Variants in MACROD2 observed in about 807,000 individuals in gnomAD.
MACROD2 encodes mono-ADP ribosylhydrolase 2, also known as ADP-ribose glycohydrolase MACROD2.
A neutral mutation model predicts 70.4 loss-of-function variants in MACROD2; 36 were observed. The observed-to-expected ratio is 0.51, with a 90% CI of 0.39 to 0.68. The LOEUF is 0.68. MACROD2 is among the 30% of genes least tolerant of loss of function. The pLI is 0.00. For synonymous variants in MACROD2, 172 were observed against 178.8 expected (o/e 0.96, Z 0.30); for missense variants, 496 against 538.4 (o/e 0.92, Z 0.78).
chr20:15,323,973 AC>A lies in MACROD2; in HGVS notation c.540+93913del, dbSNP rs541123145. 5.1e-3 allele frequency among the ~76,000 whole-genome samples: 770 copies of A among 151,920 alleles called. 1 individual carries two copies. Among genetic ancestry groups the A allele is most frequent in the Middle Eastern group, 0.02 (6 of 294 alleles). Reference sequence around the variant, plus strand: ...AATAATACATGAATAGGATTGCAGAACTTTTTTTTTTGTTTTCTGTGATGCT... The same window carrying A: ...AATAATACATGAATAGGATTGCAGAATTTTTTTTTTGTTTTCTGTGATGCT... On this transcript the variant is annotated intron_variant, in intron 6 of 17. Coordinates refer to ENST00000684519, the MANE Select transcript of MACROD2 (RefSeq NM_001351661.2).
intron 15 of MACROD2, among the ~76,000 whole-genome samples, chr20:16,034,776 C>T (rs1350178589): frequency 6.6e-6 from 1 of 151,702 alleles, no homozygotes; most frequent in Non-Finnish European, 1.5e-5. Flanking sequence ...GCAGTATATA[C>T]TGCACCATAT....
intron 3 of MACROD2, among the ~76,000 whole-genome samples, chr20:14,244,454 G>A (rs895713236): frequency 2.6e-5 from 4 of 152,174 alleles, no homozygotes; most frequent in African/African-American, 9.7e-5. Flanking sequence ...TTAGTGGTCA[G>A]TATGTAGATG....
At chr20:14,108,091 A>G (rs958929659) in intron 3 of MACROD2, among the ~76,000 whole-genome samples, 4 of 152,140 alleles carry the variant, frequency 2.6e-5, no homozygotes, top group African/African-American at 9.6e-5. Flanking sequence ...AGACACAAAG[A>G]GGAACAACAA....
At chr20:15,013,652 A>G (rs1600947425) in intron 5 of MACROD2, among the ~76,000 whole-genome samples, 1 of 152,130 alleles carries the variant, frequency 6.6e-6, no homozygotes, top group South Asian at 2.1e-4. Flanking sequence ...CGTTCCTTCT[A>G]GGGCCAACTG....
intron 5 of MACROD2, among the ~76,000 whole-genome samples, chr20:14,807,544 A>G (rs984270493): frequency 6.6e-6 from 1 of 152,110 alleles, no homozygotes; most frequent in Non-Finnish European, 1.5e-5. Flanking sequence ...CCTCCAAAGG[A>G]TCAGAACTCC....
chr20:14,881,935 G>A (rs1434301567), intron 5 of MACROD2, among the ~76,000 whole-genome samples: 3 of 152,078 alleles, frequency 2.0e-5, no homozygotes, highest in African/African-American at 4.8e-5. Flanking sequence ...GTTTATATGG[G>A]CCAACATTTG....
chr20:15,682,687 T>C (rs1045380272), intron 8 of MACROD2, among the ~76,000 whole-genome samples: 1 of 152,226 alleles, frequency 6.6e-6, no homozygotes. Context: ...TACTTTCTTA[T>C]CATATTTGAC....
chr20:14,059,500 C>T (rs1396327968), intron 2 of MACROD2, among the ~76,000 whole-genome samples: 1 of 152,050 alleles, frequency 6.6e-6, no homozygotes, highest in Non-Finnish European at 1.5e-5. Flanking sequence ...TGAAGTGATA[C>T]AGAATGAATG....
intron 5 of MACROD2, among the ~76,000 whole-genome samples, chr20:15,063,340 C>T (rs947539664): frequency 1.3e-5 from 2 of 152,188 alleles, no homozygotes; most frequent in African/African-American, 2.4e-5. Flanking sequence ...AATTTTGCTT[C>T]CTGCTTCTTT....
At chr20:14,665,332 G>A (rs752614489) in intron 4 of MACROD2, among the ~76,000 whole-genome samples, 59 of 145,600 alleles carry the variant, frequency 4.1e-4, no homozygotes, top group Non-Finnish European at 7.0e-4. Flanking sequence ...TTCAAGAACA[G>A]TTTTTTTTTT....
intron 4 of MACROD2, among the ~76,000 whole-genome samples, chr20:14,543,380 G>A (rs1320696529): frequency 6.6e-6 from 1 of 151,860 alleles, no homozygotes; most frequent in African/African-American, 2.4e-5. Flanking sequence ...AATATTCCCT[G>A]GTCTCTTTAA....
intron 5 of MACROD2, chr20:14,929,521 G>A (rs2074272753): frequency 6.6e-6 from 1 of 152,172 alleles, no homozygotes; most frequent in Admixed American, 6.5e-5. Context: ...AGCAGCTCTT[G>A]GAACCCCTTT....
At chr20:15,148,532 G>A (rs181060757) in intron 5 of MACROD2, among the ~76,000 whole-genome samples, 2 of 152,154 alleles carry the variant, frequency 1.3e-5, no homozygotes, top group African/African-American at 4.8e-5. Context: ...AGTGTAAACT[G>A]GCACTGTAAA....
At chr20:15,663,258 C>T (rs2049848369) in intron 8 of MACROD2, among the ~76,000 whole-genome samples, 1 of 133,898 alleles carries the variant, frequency 7.5e-6, no homozygotes. Flanking sequence ...TTTTTTGAGA[C>T]AGAGTCTTGC....
At chr20:14,950,977 A>G (rs2074471214) in intron 5 of MACROD2, among the ~76,000 whole-genome samples, 2 of 152,086 alleles carry the variant, frequency 1.3e-5, no homozygotes, top group Non-Finnish European at 2.9e-5. Context: ...GAAGGGGGAG[A>G]TACTTCAAGT....
intron 5 of MACROD2, among the ~76,000 whole-genome samples, chr20:14,775,544 A>T (rs575722348): frequency 6.6e-6 from 1 of 152,076 alleles, no homozygotes; most frequent in East Asian, 1.9e-4. Context: ...CTCACTCATT[A>T]CTGAGGGGAG....
intron 8 of MACROD2, among the ~76,000 whole-genome samples, chr20:15,659,497 T>G (rs1436622427): frequency 6.6e-6 from 1 of 151,952 alleles, no homozygotes; most frequent in Non-Finnish European, 1.5e-5. Context: ...AACCAGAAGT[T>G]TTTTGTTGCT....
At chr20:14,635,298 T>A (rs1411817074) in intron 4 of MACROD2, among the ~76,000 whole-genome samples, 1 of 152,202 alleles carries the variant, frequency 6.6e-6, no homozygotes, top group Non-Finnish European at 1.5e-5. Flanking sequence ...CTTTCACTCA[T>A]CTTGTCATGG....
intron 5 of MACROD2, chr20:15,196,959 G>T (rs2076611264): frequency 2.0e-6 from 2 of 985,326 alleles, no homozygotes; most frequent in Non-Finnish European, 2.4e-6. Flanking sequence ...AGCCCTTTGG[G>T]CCTCAGGTAT....
Sources: allele counts gnomAD v4.1 joint callset (sites outside exome capture counted in the v4.1 genomes callset), GRCh38; gene constraint gnomAD v4.1.1; transcripts MANE v1.5; gene names NCBI Gene and HGNC (gene_info 2026-07-23, HGNC 2026-07-21).